The following SPATA17 variants were observed in gnomAD, a reference collection of about 807,000 sequenced individuals.
The protein encoded by SPATA17 is spermatogenesis associated 17, also known as spermatogenesis-associated protein 17.
In SPATA17, 53 loss-of-function variants were observed where a neutral mutation model predicts 62.2. The observed-to-expected ratio is 0.85, with a 90% CI of 0.68 to 1.07. The LOEUF (loss-of-function observed/expected upper bound fraction) is 1.07, where lower values mean the gene tolerates loss of function less well. Ranked by LOEUF, SPATA17 falls within the 50% of genes least tolerant of loss-of-function variation. SPATA17 has a pLI of 0.00. For synonymous variants in SPATA17, 146 were observed against 146.8 expected (o/e 0.99, Z 0.04); for missense variants, 466 against 425.5 (o/e 1.10, Z -0.84).
chr1:217,666,604 G>C (rs1393477411), intron 3 of SPATA17, among the ~76,000 whole-genome samples: 1 of 151,694 alleles, frequency 6.6e-6, no homozygotes. Flanking sequence ...ATTTTTAACT[G>C]TATTATTCAG....
At chr1:217,836,892 T>G (rs1268027621) in intron 9 of SPATA17, among the ~76,000 whole-genome samples, 1 of 152,124 alleles carries the variant, frequency 6.6e-6, no homozygotes, top group African/African-American at 2.4e-5. Flanking sequence ...TCTCTGTATT[T>G]AACAATACTA....
intron 9 of SPATA17, among the ~76,000 whole-genome samples, chr1:217,851,485 A>T (rs1487025678): frequency 6.6e-6 from 1 of 152,128 alleles, no homozygotes; most frequent in Non-Finnish European, 1.5e-5. Flanking sequence ...TCTTTCATTT[A>T]AAAAACCTTG....
intron 9 of SPATA17, among the ~76,000 whole-genome samples, chr1:217,855,729 A>ATT (rs3081687): frequency 0.16 from 20,129 of 128,614 alleles, 2,070 homozygotes; most frequent in African/African-American, 0.19. Flanking sequence ...AGAAGGAACT[A>ATT]TTTTTTTTTT....
rs1198015501 is a variant in SPATA17 at position 217,714,757 on chromosome 1, T to A, written c.396-27218T>A. ...GCCTCGGCCTCCCAAAGTGCTGGGA[T>A]TACAGGCGTGAGCCACCGCGCCCAG... On this transcript the variant is annotated intron_variant, in intron 5 of 10. Coordinates refer to ENST00000366933, the MANE Select transcript of SPATA17 (RefSeq NM_138796.4). 3.3e-5 allele frequency among the ~76,000 whole-genome samples: 5 copies of A among 152,032 alleles called. No homozygotes were observed. In the East Asian group the frequency reaches 5.8e-4, roughly 18 times the overall value.
chr1:217,807,349 C>A lies in SPATA17; in HGVS notation c.1005+5499C>A, dbSNP rs1363122241. 2.0e-5 allele frequency among the ~76,000 whole-genome samples: 3 copies of A among 151,848 alleles called. No individual in the cohort carries two copies. In the East Asian group the frequency reaches 5.8e-4, roughly 29 times the overall value. ...TTGGGTGATGGGATCAATAAAAGTC[C>A]AAACCCCAGTATTACATAATATATT... On this transcript the variant is annotated intron_variant, in intron 9 of 10. Coordinates refer to ENST00000366933, the MANE Select transcript of SPATA17 (RefSeq NM_138796.4).
rs748364678 is a variant in SPATA17, at chr1:217,632,200, A to G, written c.68+754A>G. Among the ~76,000 whole-genome samples the G allele has an allele frequency of 3.9e-5, 6 of 151,956 alleles. No homozygotes were observed. The South Asian group carries it at 1.2e-3, about 31-fold the overall frequency. On this transcript the variant is annotated intron_variant, in intron 1 of 10. Transcript: ENST00000366933. The stretch of plus-strand genomic sequence containing the variant: ...CCTGTCTCAATAAATAAATAAATAA[A>G]TATAAATAAAATAAAATAAAATGAA...
intron 5 of SPATA17, 92 bp from the exon 6 acceptor site, chr1:217,741,883 G>C: frequency 2.1e-6 from 3 of 1,414,662 alleles, no homozygotes; most frequent in Non-Finnish European, 2.9e-6. Context: ...ATGGATGATG[G>C]TTGCCCCTCA....
intron 3 of SPATA17, among the ~76,000 whole-genome samples, chr1:217,661,822 A>C (rs540373361): frequency 6.6e-6 from 1 of 152,156 alleles, no homozygotes; most frequent in Admixed American, 6.5e-5. Flanking sequence ...CATTTTATGC[A>C]TGCTGAACTC....
chr1:217,662,080 CT>C (rs1287978642), intron 3 of SPATA17, among the ~76,000 whole-genome samples: 1 of 152,130 alleles, frequency 6.6e-6, no homozygotes, highest in East Asian at 1.9e-4. Flanking sequence ...AGTTCCCTGA[CT>C]GCATTTATCT....
intron 1 of SPATA17, among the ~76,000 whole-genome samples, chr1:217,644,741 A>G (rs1299078285): frequency 2.0e-5 from 3 of 152,156 alleles, no homozygotes; most frequent in Non-Finnish European, 4.4e-5. Context: ...TTGATGATGA[A>G]GTGACTGGAA....
chr1:217,835,263 G>A (rs1012817175), intron 9 of SPATA17, among the ~76,000 whole-genome samples: 26 of 151,950 alleles, frequency 1.7e-4, no homozygotes, highest in African/African-American at 1.7e-4. Flanking sequence ...TATGTGTTTC[G>A]GGGTCTGCAT....
intron 6 of SPATA17, among the ~76,000 whole-genome samples, chr1:217,753,928 A>G (rs1195730675): frequency 6.6e-6 from 1 of 152,108 alleles, no homozygotes; most frequent in African/African-American, 2.4e-5. Context: ...GCTTATTTTT[A>G]TTGGTTTTAT....
intron 5 of SPATA17, among the ~76,000 whole-genome samples, chr1:217,709,023 G>GAAT (rs1464329451): frequency 6.6e-6 from 1 of 151,886 alleles, no homozygotes; most frequent in Admixed American, 6.6e-5. Context: ...ACAAGGCATT[G>GAAT]AAGGAACATA....
At chr1:217,822,592 G>A (rs1400718543) in intron 9 of SPATA17, among the ~76,000 whole-genome samples, 2 of 148,566 alleles carry the variant, frequency 1.3e-5, no homozygotes, top group African/African-American at 4.9e-5. Flanking sequence ...GCTCGAATTA[G>A]CCATATCTTC....
At chr1:217,708,062 A>G (rs897265205) in intron 5 of SPATA17, among the ~76,000 whole-genome samples, 4 of 152,204 alleles carry the variant, frequency 2.6e-5, no homozygotes, top group Non-Finnish European at 5.9e-5. Context: ...AGCAGTGTCA[A>G]GGGAGAATTT....
intron 9 of SPATA17, among the ~76,000 whole-genome samples, chr1:217,859,590 G>A (rs1675857671): frequency 6.6e-6 from 1 of 151,870 alleles, no homozygotes; most frequent in Admixed American, 6.6e-5. Flanking sequence ...AAACTTTTTG[G>A]GAGATGGAGT....
At chr1:217,734,600 T>C (rs1395167727) in intron 5 of SPATA17, among the ~76,000 whole-genome samples, 1 of 152,202 alleles carries the variant, frequency 6.6e-6, no homozygotes, top group Non-Finnish European at 1.5e-5. Flanking sequence ...TTAAATCCAT[T>C]TCGTTAGAAT....
At chr1:217,777,500 C>A (rs183538451) in intron 7 of SPATA17, among the ~76,000 whole-genome samples, 76 of 152,198 alleles carry the variant, frequency 5.0e-4, no homozygotes, top group African/African-American at 1.8e-3. Context: ...CTCCCTGGTT[C>A]AAGCGATTCT....
chr1:217,660,228 G>C (rs1670536680), intron 3 of SPATA17, among the ~76,000 whole-genome samples: 1 of 152,106 alleles, frequency 6.6e-6, no homozygotes, highest in Non-Finnish European at 1.5e-5. Flanking sequence ...TAAAATTTGG[G>C]AATACTGAAA....
Sources: allele counts gnomAD v4.1 joint callset (sites outside exome capture counted in the v4.1 genomes callset), GRCh38; gene constraint gnomAD v4.1.1; transcripts MANE v1.5; gene names NCBI Gene and HGNC (gene_info 2026-07-23, HGNC 2026-07-21).